Variants in ZBTB38 observed in about 807,000 individuals in gnomAD.
The protein encoded by ZBTB38 is zinc finger and BTB domain-containing protein 38.
Under a neutral mutation model 76.8 loss-of-function variants are expected in ZBTB38, and 20 were observed. The observed-to-expected ratio is 0.26, with a 90% CI of 0.18 to 0.38. The LOEUF is 0.38. Ranked by LOEUF, ZBTB38 falls within the 10% of genes least tolerant of loss-of-function variation. ZBTB38 has a pLI of 1.00. For synonymous variants in ZBTB38, 504 were observed against 544.2 expected (o/e 0.93, Z 1.03); for missense variants, 1,082 against 1,482.3 (o/e 0.73, Z 4.43).
chr3:141,422,765 C>T (rs548815446), intron 5 of ZBTB38, among the ~76,000 whole-genome samples: 1 of 151,960 alleles, frequency 6.6e-6, no homozygotes, highest in East Asian at 1.9e-4. Context: ...GCAGGGCTCC[C>T]CAAAACAATA....
At chr3:141,383,135 T>C (rs1043337495) in intron 3 of ZBTB38, among the ~76,000 whole-genome samples, 7 of 152,114 alleles carry the variant, frequency 4.6e-5, no homozygotes, top group Non-Finnish European at 8.8e-5. Context: ...GTGTAGACTT[T>C]TTAGCTCTGA....
intron 5 of ZBTB38, among the ~76,000 whole-genome samples, chr3:141,407,631 T>G (rs943166665): frequency 6.6e-6 from 1 of 152,232 alleles, no homozygotes; most frequent in Non-Finnish European, 1.5e-5. Context: ...CAATTTAGTA[T>G]GGACAAGAAT....
chr3:141,400,747 T>C (rs1951673719), intron 4 of ZBTB38, among the ~76,000 whole-genome samples: 2 of 152,264 alleles, frequency 1.3e-5, no homozygotes, highest in Admixed American at 1.3e-4. Context: ...ATATGTATTA[T>C]CTCATTTAGT....
chr3:141,404,790 A>G (rs1426908870), intron 5 of ZBTB38, among the ~76,000 whole-genome samples: 2 of 152,226 alleles, frequency 1.3e-5, no homozygotes, highest in African/African-American at 4.8e-5. Flanking sequence ...TACTGCATGT[A>G]TGAAGACCCT....
In ZBTB38 at chr3:141,392,453, A is replaced by G. The variant is rs1559933149; in HGVS notation, c.-106+5516A>G. Among the ~76,000 whole-genome samples the G allele has an allele frequency of 2.0e-5, 3 of 152,388 alleles. No homozygotes were observed. In the East Asian group the frequency reaches 5.8e-4, roughly 29 times the overall value. On this transcript the variant is annotated intron_variant, in intron 4 of 5. Transcript: ENST00000321464. ...AGGGTAGAGCATTGTATGGACAAGT[A>G]CAATTGTGTATCCTCCCTGTTCCAG...
intron 2 of ZBTB38, among the ~76,000 whole-genome samples, chr3:141,375,366 C>T (rs1218783955): frequency 1.3e-5 from 2 of 152,108 alleles, no homozygotes; most frequent in Non-Finnish European, 2.9e-5. Flanking sequence ...AGACAAAAGG[C>T]GCCAATGAGA....
At chr3:141,440,769 CTCACACCTGTAA>C (rs2079957775) in intron 5 of ZBTB38, among the ~76,000 whole-genome samples, 2 of 152,134 alleles carry the variant, frequency 1.3e-5, no homozygotes, top group Admixed American at 1.3e-4. Flanking sequence ...GGTGCAGTGG[CTCACACCTGTAA>C]TCCCAGCACT....
chr3:141,351,467 C>T (rs571641151), intron 1 of ZBTB38, among the ~76,000 whole-genome samples: 30 of 151,960 alleles, frequency 2.0e-4, no homozygotes, highest in Non-Finnish European at 3.4e-4. Flanking sequence ...AGAGAAAGTT[C>T]CCTCCCTAGG....
intron 1 of ZBTB38, among the ~76,000 whole-genome samples, chr3:141,340,898 A>G (rs1004080163): frequency 6.7e-6 from 1 of 148,850 alleles, no homozygotes; most frequent in Non-Finnish European, 1.5e-5. Context: ...CTCTGTCTCC[A>G]AAAAAGAAAA....
At chr3:141,340,938 A>AAAGGAAAGAAGG (rs1553760074) in intron 1 of ZBTB38, among the ~76,000 whole-genome samples, 1 of 32,424 alleles carries the variant, frequency 3.1e-5, no homozygotes. Context: ...AAAAGAAAAG[A>AAAGGAAAGAAGG]AAAGAAAGAA....
intron 5 of ZBTB38, among the ~76,000 whole-genome samples, chr3:141,404,837 CCCGTCCTGGAGG>C (rs991003564): frequency 1.3e-5 from 2 of 152,136 alleles, no homozygotes; most frequent in Admixed American, 6.5e-5. Context: ...CTGCAAAGTG[CCCGTCCTGGAGG>C]AGCTTGCAGC....
intron 2 of ZBTB38, among the ~76,000 whole-genome samples, chr3:141,381,027 T>A (rs546958305): frequency 6.6e-6 from 1 of 152,220 alleles, no homozygotes; most frequent in Non-Finnish European, 1.5e-5. Context: ...TCCAAAAAGA[T>A]GAAACTCTAC....
chr3:141,385,493 C>T (rs570804256), intron 3 of ZBTB38, among the ~76,000 whole-genome samples: 3 of 152,070 alleles, frequency 2.0e-5, no homozygotes, highest in Non-Finnish European at 4.4e-5. Flanking sequence ...ATTTTGCTAG[C>T]AAGCTATGCT....
chr3:141,401,481 A>G (rs1278086764), intron 4 of ZBTB38, among the ~76,000 whole-genome samples: 1 of 152,058 alleles, frequency 6.6e-6, no homozygotes, highest in East Asian at 1.9e-4. Context: ...TTAATATTGG[A>G]ATCTATTCAT....
intron 5 of ZBTB38, among the ~76,000 whole-genome samples, chr3:141,436,180 T>C (rs1037520945): frequency 6.6e-6 from 1 of 152,218 alleles, no homozygotes; most frequent in African/African-American, 2.4e-5. Flanking sequence ...CGAATACTGT[T>C]TTTGGTGAAA....
rs1957287153 is a variant in ZBTB38, at chr3:141,413,288, G to T, written c.-1+9257G>T. Among the ~76,000 whole-genome samples, 1 of 152,168 alleles carries T rather than the reference G, an allele frequency of 6.6e-6. No individual in the cohort carries two copies. Among genetic ancestry groups the T allele is most frequent in the Admixed American group, 6.5e-5 (1 of 15,272 alleles). Reference sequence around the variant, plus strand: ...AGCCTCAGCCACCTTCCTGCAGGAGGTCCTCACACCCCAGACGGTCAGAAT... The same window carrying T: ...AGCCTCAGCCACCTTCCTGCAGGAGTTCCTCACACCCCAGACGGTCAGAAT... On this transcript the variant is annotated intron_variant, in intron 5 of 5. Transcript: ENST00000321464. This position sits in a 1 kb window ranked among gnomAD's most constrained non-coding sequence, Gnocchi z 4.1.
intron 4 of ZBTB38, among the ~76,000 whole-genome samples, chr3:141,400,294 T>G (rs998397842): frequency 1.3e-5 from 2 of 152,188 alleles, no homozygotes; most frequent in Non-Finnish European, 2.9e-5. Flanking sequence ...TAATAACAAT[T>G]TGGGGAAATC....
intron 1 of ZBTB38, among the ~76,000 whole-genome samples, chr3:141,352,809 C>G (rs940307176): frequency 2.6e-5 from 4 of 151,938 alleles, no homozygotes; most frequent in Admixed American, 2.0e-4. Flanking sequence ...GCCATAAAAG[C>G]CATATCTCTG....
chr3:141,443,018 C>G lies in ZBTB38; in HGVS notation c.630C>G (p.His210Gln), dbSNP rs759272619. 4.3e-6 allele frequency: 7 copies of G among 1,614,124 alleles called. No individual in the cohort carries two copies. The highest frequency in any genetic ancestry group is 5.9e-6 in the Non-Finnish European group (7 of 1,180,054). ...SLCLERTDVC[H>Q]EAEPVRTLAE... ...GCCTGGAGAGGACGGACGTCTGCCA[C>G]GAGGCAGAGCCTGTCCGCACACTTG... Residue 210 changes from histidine to glutamine, a missense_variant, in exon 6 of 6, where the codon CAC (histidine) becomes CAG (glutamine). Around this residue, in one of 8 missense-constraint regions of ZBTB38, gnomAD observed 324 missense variants for 359.1 expected, o/e 0.90. Coordinates refer to ENST00000321464, the MANE Select transcript of ZBTB38 (RefSeq NM_001376113.1). The surrounding 1 kb of genome is among the most constrained non-coding windows in gnomAD (Gnocchi z 5.6).
Sources: gnomAD v4.1 joint callset for allele counts (sites outside exome capture counted in the v4.1 genomes callset) on GRCh38, gnomAD v4.1.1 for gene constraint, gnomAD v4.1.1 regional missense constraint, Gnocchi (gnomAD v3.1) non-coding constraint, MANE v1.5 for transcripts, NCBI Gene and HGNC (gene_info 2026-07-23, HGNC 2026-07-21) for gene names.